ZNF549: variants seen among roughly 807,000 people sequenced by gnomAD.
The protein encoded by ZNF549 is zinc finger protein 549.
A neutral mutation model predicts 11.1 loss-of-function variants in ZNF549; 11 were observed. The ratio of observed to expected loss-of-function variants is 0.99; its 90% CI spans 0.62 to 1.64. The LOEUF (loss-of-function observed/expected upper bound fraction) is 1.64. ZNF549 is among the 40% of genes most tolerant of loss of function. The pLI is 0.00. For synonymous variants in ZNF549, 266 were observed against 269.1 expected (o/e 0.99, Z 0.11); for missense variants, 748 against 765.1 (o/e 0.98, Z 0.26).
At chr19:57,528,547 C>T (rs908400759) in intron 1 of ZNF549, among the ~76,000 whole-genome samples, 1 of 152,108 alleles carries the variant, frequency 6.6e-6, no homozygotes, top group Admixed American at 6.6e-5. Context: ...AAGTGTGGGT[C>T]GGCCTTGGCG....
intron 3 of ZNF549, among the ~76,000 whole-genome samples, chr19:57,535,899 G>T (rs2089922590): frequency 6.6e-6 from 1 of 152,092 alleles, no homozygotes; most frequent in Admixed American, 6.5e-5. Flanking sequence ...CAGCAAGGGG[G>T]GTTAACAGGG....
chr19:57,536,978 C>A (rs894126547), intron 3 of ZNF549, among the ~76,000 whole-genome samples: 3 of 152,074 alleles, frequency 2.0e-5, no homozygotes, highest in African/African-American at 7.2e-5. Context: ...TGCCTGTAGT[C>A]CTAGCTACTT....
intron 1 of ZNF549, among the ~76,000 whole-genome samples, 169 bp downstream of exon 1, chr19:57,527,775 TG>T (rs934958237): frequency 1.8e-4 from 27 of 151,962 alleles, no homozygotes; most frequent in African/African-American, 6.0e-4. Flanking sequence ...TTGCGTACCG[TG>T]GGGGCTGCAC....
At position 57,538,648 on chromosome 19, in the gene ZNF549, G is replaced by A. The variant is rs750350888; in HGVS notation, c.1644G>A (p.Gln548=). ...FSHQKRLLEH[Q]KVHTGEKPCE... is the part of the protein sequence containing the mutation. ...ACCAAAAAAGACTTCTTGAGCACCAGAAAGTTCACACTGGCGAAAAGCCCT... is the reference window on the plus strand; with the variant it reads ...ACCAAAAAAGACTTCTTGAGCACCAAAAAGTTCACACTGGCGAAAAGCCCT... The change falls in exon 4 of 4, where the codon CAG becomes CAA. Residue 548 remains glutamine (Q), a synonymous_variant. Coordinates refer to ENST00000376233, the MANE Select transcript of ZNF549 (RefSeq NM_001199295.2). 4 of 1,614,112 alleles carry A rather than the reference G, an allele frequency of 2.5e-6. No individual in the cohort carries two copies. The South Asian group carries it at 4.4e-5, about 18-fold the overall frequency.
In ZNF549 at chr19:57,537,300, C is replaced by A. The variant is rs2089929218; in HGVS notation, c.296C>A (p.Ser99Tyr). ...GCCAGGACTCCAAAGCTAGGTCCTT[C>A]CATCCCAAATGCTCATTCTTGTGAG... ...SQARTPKLGPSIPNAHSCEMC... is the reference protein window; with the variant it reads ...SQARTPKLGPYIPNAHSCEMC... The change falls in exon 4 of 4, where the codon TCC becomes TAC. Residue 99 changes from serine to tyrosine, a missense_variant. Ser to Tyr is a moderately radical substitution (Grantham distance 144). Coordinates refer to ENST00000376233, the MANE Select transcript of ZNF549 (RefSeq NM_001199295.2). 1.9e-6 allele frequency: 3 copies of A among 1,614,206 alleles called. No homozygotes were observed. Among genetic ancestry groups the A allele is most frequent in the Non-Finnish European group, 2.5e-6 (3 of 1,180,030 alleles).
At chr19:57,530,740 C>T (rs2089900515) in intron 1 of ZNF549, among the ~76,000 whole-genome samples, 1 of 151,972 alleles carries the variant, frequency 6.6e-6, no homozygotes, top group Admixed American at 6.6e-5. Context: ...ATCAAAGAAG[C>T]ACAGAAGCCT....
At chr19:57,532,295 C>T (rs751677929) in intron 2 of ZNF549, among the ~76,000 whole-genome samples, 20 of 152,202 alleles carry the variant, frequency 1.3e-4, no homozygotes, top group Middle Eastern at 3.4e-3. Flanking sequence ...CCAACACTGC[C>T]GTGGAAATGA....
chr19:57,536,850 G>C (rs2089926736), intron 3 of ZNF549, among the ~76,000 whole-genome samples: 1 of 152,192 alleles, frequency 6.6e-6, no homozygotes, highest in Non-Finnish European at 1.5e-5. Context: ...AGCACTTGGG[G>C]AAGCTGAGGT....
intron 1 of ZNF549, among the ~76,000 whole-genome samples, chr19:57,529,503 T>C (rs2089894202): frequency 6.6e-6 from 1 of 152,232 alleles, no homozygotes; most frequent in Non-Finnish European, 1.5e-5. Flanking sequence ...GTGAATGTGG[T>C]ATCTCTCTAA....
chr19:57,529,021 T>TA (rs2089891983), intron 1 of ZNF549, among the ~76,000 whole-genome samples: 1 of 152,168 alleles, frequency 6.6e-6, no homozygotes, highest in Non-Finnish European at 1.5e-5. Context: ...AAGATTATGA[T>TA]ACCATATTTT....
rs1349306591 is a variant in ZNF549 at position 57,538,682 on chromosome 19, A to G, written c.1678A>G (p.Ser560Gly). Reference protein sequence around the residue: ...VHTGEKPCECSECGKCFRHRT... With the variant: ...VHTGEKPCECGECGKCFRHRT... ...CACTGGCGAAAAGCCCTGTGAGTGC[A>G]GTGAATGTGGGAAATGCTTTAGACA... The change falls in exon 4 of 4, where the codon AGT (serine) becomes GGT (glycine). Residue 560 changes from serine (S) to glycine (G), a missense_variant. Coordinates refer to ENST00000376233, the MANE Select transcript of ZNF549 (RefSeq NM_001199295.2). The G allele has an allele frequency of 6.2e-7, 1 of 1,614,260 alleles. No homozygotes were observed. Among genetic ancestry groups the G allele is most frequent in the Non-Finnish European group, 8.5e-7 (1 of 1,180,042 alleles).
At chr19:57,532,731 A>G (rs748906037) in intron 2 of ZNF549, among the ~76,000 whole-genome samples, 1 of 152,190 alleles carries the variant, frequency 6.6e-6, no homozygotes, top group Non-Finnish European at 1.5e-5. Context: ...TAATCTAAAG[A>G]TGGTGATTAT....
chr19:57,529,616 G>C lies in ZNF549; in HGVS notation c.34-1454G>C, dbSNP rs371047488. ...CAATGGTGCACTGTTGGCCAGCGCA[G>C]TGGCTCACACCTGTAATCCCAGCAC... On this transcript the variant is annotated intron_variant, in intron 1 of 3. Transcript: ENST00000376233. Among the ~76,000 whole-genome samples, 43 of 152,344 alleles carry C rather than the reference G, an allele frequency of 2.8e-4. No homozygotes were observed. The East Asian group carries it at 5.6e-3, about 20-fold the overall frequency.
At position 57,537,875 on chromosome 19, in the gene ZNF549, G is replaced by A. The variant is rs61735033; in HGVS notation, c.871G>A (p.Val291Ile). Reference sequence around the variant, plus strand: ...ATCATTCCTCCATAAACAAACACTCGTTGGGCACCAGCAGAGAATTCACAC... The same window carrying A: ...ATCATTCCTCCATAAACAAACACTCATTGGGCACCAGCAGAGAATTCACAC... ...GKSFLHKQTL[V>I]GHQQRIHTRE... Residue 291 changes from valine (V) to isoleucine (I), a missense_variant, in exon 4 of 4, where the codon GTT (valine) becomes ATT (isoleucine). By Grantham distance (29) the Val-to-Ile change is conservative. Transcript: ENST00000376233. The A allele has an allele frequency of 0.012, 19,289 of 1,613,768 alleles. 352 individuals carry two copies. Among genetic ancestry groups the A allele is most frequent in the African/African-American group, 0.054 (4,053 of 74,986 alleles).
Position 57,527,380 on chromosome 19 carries a change from C to A in ZNF549, c.-194C>A, listed in dbSNP as rs556737997. On this transcript the variant is annotated 5_prime_UTR_variant, in exon 1 of 4. Transcript: ENST00000376233. ...CGTTTTTGCTGCCTGCGAGCGCGTC[C>A]GCGGGCTGGGCGTTTCCGGCTCGCT... The A allele has an allele frequency of 1.2e-5, 9 of 741,024 alleles. No individual in the cohort carries two copies. The highest frequency in any genetic ancestry group is 1.8e-5 in the Non-Finnish European group (8 of 446,732). The allele number at this position is 741,024 out of a possible 1,614,324, so 45.9% of individuals were successfully genotyped here.
At chr19:57,532,845 T>C (rs2089909613) in intron 2 of ZNF549, among the ~76,000 whole-genome samples, 1 of 152,196 alleles carries the variant, frequency 6.6e-6, no homozygotes, top group South Asian at 2.1e-4. Flanking sequence ...TCAATTATGA[T>C]GGTGGATTGA....
rs759144117 is a variant in ZNF549, at chr19:57,538,265, G to T, written c.1261G>T (p.Glu421Ter). ...HTGERPYECKECGKAFIHKKR... is the reference protein window; with the variant it reads ...HTGERPYECK Reference sequence around the variant, plus strand: ...GGGAGAAAGGCCTTATGAGTGCAAAGAATGTGGGAAGGCCTTCATTCACAA... The same window carrying T: ...GGGAGAAAGGCCTTATGAGTGCAAATAATGTGGGAAGGCCTTCATTCACAA... Residue 421 changes from glutamate to a stop codon, truncating the protein, a stop_gained, in exon 4 of 4, where the codon GAA (glutamate) becomes TAA (stop). Coordinates refer to ENST00000376233, the MANE Select transcript of ZNF549 (RefSeq NM_001199295.2). LOFTEE classifies it low-confidence loss of function (END_TRUNC). The T allele has an allele frequency of 6.2e-7, 1 of 1,613,898 alleles. No individual in the cohort carries two copies. Among genetic ancestry groups the T allele is most frequent in the South Asian group, 1.1e-5 (1 of 91,072 alleles).
rs2089946517 is a variant in ZNF549, at chr19:57,539,665, C to G, written c.*738C>G. ...TGAGAAGAGGCATTTGTGACAAACTCAAGTGCTGGGACCTGCATGAATTGT... is the reference window on the plus strand; with the variant it reads ...TGAGAAGAGGCATTTGTGACAAACTGAAGTGCTGGGACCTGCATGAATTGT... On this transcript the variant is annotated 3_prime_UTR_variant, in exon 4 of 4. Transcript: ENST00000376233. 1.3e-5 allele frequency: 2 copies of G among 152,184 alleles called. No individual in the cohort carries two copies. The highest frequency in any genetic ancestry group is 2.4e-5 in the African/African-American group (1 of 41,430). The allele number at this position is 152,184 out of a possible 1,614,324, so 9.4% of individuals were successfully genotyped here. A position where few individuals can be genotyped will look rare whatever the true frequency, so the allele number is the denominator to read the frequency against.
In ZNF549 at chr19:57,539,051, A is replaced by G. The variant is rs1201385775; in HGVS notation, c.*124A>G. 11 of 1,154,328 alleles carry G rather than the reference A, an allele frequency of 9.5e-6. No homozygotes were observed. The Admixed American group carries it at 1.5e-4, about 15-fold the overall frequency. 71.5% of individuals were successfully genotyped at this position (1,154,328 alleles called of 1,614,324 possible). On this transcript the variant is annotated 3_prime_UTR_variant, in exon 4 of 4. Coordinates refer to ENST00000376233, the MANE Select transcript of ZNF549 (RefSeq NM_001199295.2). ...CATATCACTAGTTGAAAGATTCACT[A>G]CAAGGTCCAAGTACTTGGGAAGCTT...
Sources: allele counts gnomAD v4.1 joint callset (sites outside exome capture counted in the v4.1 genomes callset), GRCh38; gene constraint gnomAD v4.1.1; transcripts MANE v1.5; gene names NCBI Gene and HGNC (gene_info 2026-07-23, HGNC 2026-07-21).